The following ISM1 variants were observed in gnomAD, a reference collection of about 807,000 sequenced individuals.
The protein encoded by ISM1 is isthmin 1, also known as isthmin-1.
ISM1 carries 25 observed loss-of-function variants against 46.3 expected under a neutral mutation model. That is an observed-to-expected ratio of 0.54 (90% CI 0.39 to 0.75). The LOEUF is 0.75. Ranked by LOEUF, ISM1 falls within the 30% of genes least tolerant of loss-of-function variation. The pLI, the probability that ISM1 is intolerant of heterozygous loss-of-function variation, is 0.00. For synonymous variants in ISM1, 255 were observed against 256.7 expected (o/e 0.99, Z 0.06); for missense variants, 536 against 625.4 (o/e 0.86, Z 1.52).
intron 1 of ISM1, among the ~76,000 whole-genome samples, chr20:13,260,459 A>G (rs2039976858): frequency 6.6e-6 from 1 of 152,258 alleles, no homozygotes; most frequent in Non-Finnish European, 1.5e-5. Context: ...CTTTGAGCTA[A>G]CAGGTAGAAG....
chr20:13,222,518 T>C (rs1030686170), intron 1 of ISM1, among the ~76,000 whole-genome samples: 1 of 151,858 alleles, frequency 6.6e-6, no homozygotes, highest in African/African-American at 2.4e-5. Flanking sequence ...TTGTGCCCCC[T>C]TGGTCATGGG....
the ISM1 span, among the ~76,000 whole-genome samples, chr20:13,313,241 A>G: frequency 6.6e-6 from 1 of 152,058 alleles, no homozygotes; most frequent in East Asian, 1.9e-4. Flanking sequence ...CATCCTAACA[A>G]TTTCCCCCCA....
chr20:13,256,820 C>T (rs544450545), intron 1 of ISM1, among the ~76,000 whole-genome samples: 173 of 152,276 alleles, frequency 1.1e-3, no homozygotes, highest in Middle Eastern at 3.4e-3. Flanking sequence ...TAATTATATC[C>T]ACCCAGTGGG....
At chr20:13,261,816 C>G (rs1170305880) in intron 1 of ISM1, among the ~76,000 whole-genome samples, 1 of 152,188 alleles carries the variant, frequency 6.6e-6, no homozygotes, top group African/African-American at 2.4e-5. Flanking sequence ...GGTCCCTAGG[C>G]CACCCCTACC....
At chr20:13,306,564 C>CAAAAAAAAAAAAAAAAAAAAAAAAAG in the ISM1 span, among the ~76,000 whole-genome samples, 2 of 63,914 alleles carry the variant, frequency 3.1e-5, no homozygotes, top group Non-Finnish European at 5.3e-5. Context: ...GGAGAAAGGA[C>CAAAAAAAAAAAAAAAAAAAAAAAAAG]AAAAAAAAAA....
intron 1 of ISM1, among the ~76,000 whole-genome samples, chr20:13,260,906 A>C (rs1295586006): frequency 6.6e-6 from 1 of 152,178 alleles, no homozygotes; most frequent in Non-Finnish European, 1.5e-5. Flanking sequence ...TGGATGGTCT[A>C]GGACAGTCTC....
chr20:13,291,388 T>A (rs970788682), intron 4 of ISM1, among the ~76,000 whole-genome samples: 9 of 152,224 alleles, frequency 5.9e-5, no homozygotes, highest in African/African-American at 2.2e-4. Flanking sequence ...CTCCCTGGCC[T>A]GGCAGTTATT....
the ISM1 span, among the ~76,000 whole-genome samples, chr20:13,311,243 T>TAGATAGATAGATGATA: frequency 0.015 from 1,867 of 127,820 alleles, 23 homozygotes; most frequent in Middle Eastern, 0.027. Flanking sequence ...GATAGATAGA[T>TAGATAGATAGATGATA]GATAGATAGA....
the ISM1 span, among the ~76,000 whole-genome samples, chr20:13,320,339 G>A: frequency 1.8e-4 from 28 of 152,194 alleles, 1 homozygote. Context: ...TGTACTAGAG[G>A]AGGGATGTTA....
chr20:13,291,072 C>T (rs1400430846), intron 4 of ISM1, among the ~76,000 whole-genome samples: 1 of 152,226 alleles, frequency 6.6e-6, no homozygotes, highest in African/African-American at 2.4e-5. Context: ...TCTTCCAGAG[C>T]TCACATCCAG....
At chr20:13,311,119 G>T in the ISM1 span, among the ~76,000 whole-genome samples, 1 of 151,974 alleles carries the variant, frequency 6.6e-6, no homozygotes, top group South Asian at 2.1e-4. Context: ...ACTTGAACCC[G>T]GGAAGCGGAG....
chr20:13,250,579 T>C (rs1436029704), intron 1 of ISM1, among the ~76,000 whole-genome samples: 1 of 152,194 alleles, frequency 6.6e-6, no homozygotes, highest in African/African-American at 2.4e-5. Context: ...TCCTGGTGCC[T>C]GGACCCTTCC....
downstream of ISM1, among the ~76,000 whole-genome samples, chr20:13,304,589 A>G (rs972176344): frequency 6.6e-6 from 1 of 152,166 alleles, no homozygotes; most frequent in African/African-American, 2.4e-5. Context: ...TTTTTCCATC[A>G]TCGTGGAGCC....
the ISM1 span, among the ~76,000 whole-genome samples, chr20:13,312,683 G>A: frequency 6.6e-6 from 1 of 152,114 alleles, no homozygotes; most frequent in Non-Finnish European, 1.5e-5. Context: ...TAATAAGAAA[G>A]CAAACTATGG....
the ISM1 span, among the ~76,000 whole-genome samples, chr20:13,323,195 G>C: frequency 2.0e-5 from 3 of 152,144 alleles, no homozygotes; most frequent in Non-Finnish European, 4.4e-5. Flanking sequence ...AAGAATAAGA[G>C]AGTCGGTAGG....
chr20:13,225,059 T>G (rs971042019), intron 1 of ISM1, among the ~76,000 whole-genome samples: 18 of 151,466 alleles, frequency 1.2e-4, no homozygotes, highest in Non-Finnish European at 2.2e-4. Context: ...TTCACCGTGT[T>G]AGCCAGGATG....
chr20:13,313,658 C>T, the ISM1 span, among the ~76,000 whole-genome samples: 2 of 152,272 alleles, frequency 1.3e-5, no homozygotes, highest in East Asian at 3.9e-4. Flanking sequence ...TTTAACACAC[C>T]TTACCACATC....
rs752872618 is a variant in ISM1 at position 13,299,314 on chromosome 20, A to G, written c.1250A>G (p.Lys417Arg). The change falls in exon 6 of 6, where the codon AAG becomes AGG. Residue 417 changes from lysine to arginine, a missense_variant. Coordinates refer to ENST00000262487, the MANE Select transcript of ISM1 (RefSeq NM_080826.2). The surrounding 1 kb of genome is among the most constrained non-coding windows in gnomAD (Gnocchi z 5.8). ...STEFSAELHYKVDVLPWIICK... is the reference protein window; with the variant it reads ...STEFSAELHYRVDVLPWIICK... ...GAGTTCTCCGCGGAGCTCCACTACA[A>G]GGTGGACGTCCTGCCCTGGATTATC... 5.0e-6 allele frequency: 8 copies of G among 1,613,810 alleles called. No homozygotes were observed. The highest frequency in any genetic ancestry group is 6.8e-6 in the Non-Finnish European group (8 of 1,179,786).
chr20:13,233,666 A>G (rs947374912), intron 1 of ISM1, among the ~76,000 whole-genome samples: 1 of 152,178 alleles, frequency 6.6e-6, no homozygotes, highest in Non-Finnish European at 1.5e-5. Flanking sequence ...GAATTGAGGA[A>G]ATTCTGACCT....
Sources: allele counts gnomAD v4.1 joint callset (sites outside exome capture counted in the v4.1 genomes callset), GRCh38; gene constraint gnomAD v4.1.1; non-coding constraint Gnocchi (gnomAD v3.1); transcripts MANE v1.5; gene names NCBI Gene and HGNC (gene_info 2026-07-23, HGNC 2026-07-21).